The following ERC2 variants were observed in gnomAD, a reference collection of about 807,000 sequenced individuals.
ERC2 encodes ERC protein 2.
A neutral mutation model predicts 114.8 loss-of-function variants in ERC2; 42 were observed. The observed-to-expected ratio is 0.37, with a 90% CI of 0.29 to 0.47. The LOEUF is 0.47. Among genes scored for constraint, ERC2 ranks in the 20% least tolerant of loss-of-function variants. ERC2 has a pLI of 0.99. For synonymous variants in ERC2, 454 were observed against 425.5 expected (o/e 1.07, Z -0.82); for missense variants, 939 against 1,150.7 (o/e 0.82, Z 2.66).
intron 14 of ERC2, among the ~76,000 whole-genome samples, chr3:55,778,558 C>CA (rs373421552): frequency 7.4e-4 from 112 of 152,062 alleles, no homozygotes; most frequent in African/African-American, 2.5e-3. Context: ...TTCTGTGTGG[C>CA]AAAAAACAGC....
intron 13 of ERC2, among the ~76,000 whole-genome samples, chr3:55,936,214 C>A: frequency 6.6e-6 from 1 of 152,274 alleles, no homozygotes; most frequent in Non-Finnish European, 1.5e-5. Flanking sequence ...GTCCTTCTCT[C>A]CTGCATGCTG....
chr3:55,902,473 C>A (rs956341382), intron 13 of ERC2, among the ~76,000 whole-genome samples: 2 of 152,044 alleles, frequency 1.3e-5, no homozygotes, highest in African/African-American at 4.8e-5. Flanking sequence ...AGACGCCCAC[C>A]CAAACAGTCA....
At chr3:56,270,876 G>A (rs2053613816) in intron 3 of ERC2, among the ~76,000 whole-genome samples, 1 of 152,280 alleles carries the variant, frequency 6.6e-6, no homozygotes, top group South Asian at 2.1e-4. Context: ...CAGCTACTTG[G>A]GAGGCTGAGG....
At chr3:55,774,197 G>A (rs2068432971) in intron 14 of ERC2, among the ~76,000 whole-genome samples, 1 of 152,038 alleles carries the variant, frequency 6.6e-6, no homozygotes. Flanking sequence ...GAGACAATGG[G>A]CCATAACCAC....
At chr3:55,970,399 A>G (rs2069073160) in intron 12 of ERC2, among the ~76,000 whole-genome samples, 1 of 151,844 alleles carries the variant, frequency 6.6e-6, no homozygotes, top group Non-Finnish European at 1.5e-5. Context: ...TAGTAGTATT[A>G]GTAATAAAAA....
At chr3:56,231,723 C>T (rs910282685) in intron 3 of ERC2, among the ~76,000 whole-genome samples, 1 of 152,180 alleles carries the variant, frequency 6.6e-6, no homozygotes, top group African/African-American at 2.4e-5. Flanking sequence ...GCCTGAATTT[C>T]AGCAGCTAAG....
intron 17 of ERC2, among the ~76,000 whole-genome samples, chr3:55,675,867 T>A (rs1279392562): frequency 6.8e-6 from 1 of 147,352 alleles, no homozygotes; most frequent in Non-Finnish European, 1.5e-5. Context: ...CCTGCATCGT[T>A]TAAAAACCCT....
At chr3:55,713,413 C>T (rs1161634032) in intron 15 of ERC2, among the ~76,000 whole-genome samples, 1 of 151,978 alleles carries the variant, frequency 6.6e-6, no homozygotes, top group Non-Finnish European at 1.5e-5. Context: ...GGGGGAGTTT[C>T]ACCATGTTGG....
chr3:55,568,247 G>C (rs573700192), intron 17 of ERC2, among the ~76,000 whole-genome samples: 1 of 152,160 alleles, frequency 6.6e-6, no homozygotes, highest in South Asian at 2.1e-4. Context: ...ATGTGGGCAC[G>C]AGGAGCCCAC....
At chr3:56,257,650 T>C (rs1265637047) in intron 3 of ERC2, among the ~76,000 whole-genome samples, 1 of 152,268 alleles carries the variant, frequency 6.6e-6, no homozygotes, top group Non-Finnish European at 1.5e-5. Context: ...TGGCACATTT[T>C]GCTTTTCGGC....
chr3:56,303,029 C>G (rs967399391), intron 2 of ERC2, among the ~76,000 whole-genome samples: 3 of 152,192 alleles, frequency 2.0e-5, no homozygotes, highest in East Asian at 3.8e-4. Flanking sequence ...AATGAGGGCT[C>G]AGAAAGGTTT....
At chr3:55,607,395 G>A (rs1358697771) in intron 17 of ERC2, among the ~76,000 whole-genome samples, 1 of 152,136 alleles carries the variant, frequency 6.6e-6, no homozygotes, top group African/African-American at 2.4e-5. Context: ...CAGCACGTGC[G>A]AGATTCCTGA....
intron 14 of ERC2, among the ~76,000 whole-genome samples, chr3:55,849,339 A>G (rs1332066502): frequency 6.6e-6 from 1 of 152,184 alleles, no homozygotes; most frequent in Non-Finnish European, 1.5e-5. Context: ...GAAGTGTTCA[A>G]TGTATTCCCA....
intron 3 of ERC2, among the ~76,000 whole-genome samples, chr3:56,236,886 T>C (rs780207546): frequency 2.0e-5 from 3 of 152,044 alleles, no homozygotes; most frequent in Non-Finnish European, 4.4e-5. Flanking sequence ...GATGCAAAAA[T>C]AGACATACGT....
intron 17 of ERC2, among the ~76,000 whole-genome samples, chr3:55,534,936 C>T (rs915163280): frequency 2.6e-5 from 4 of 152,092 alleles, no homozygotes; most frequent in Admixed American, 6.5e-5. Flanking sequence ...GAAGACATAA[C>T]GGTGAAGAGG....
At position 56,278,501 on chromosome 3, in the gene ERC2, A is replaced by G. The variant is rs1016783702; in HGVS notation, c.1074+17518T>C. Among the ~76,000 whole-genome samples, 4 of 152,252 alleles carry G rather than the reference A, an allele frequency of 2.6e-5. No individual in the cohort carries two copies. The South Asian group carries it at 8.3e-4, about 32-fold the overall frequency. ...AACATAGGATCCTGGAATGGCAATA[A>G]AAGAACATTGGTAGAAAAACTGGTG... On this transcript the variant is annotated intron_variant, in intron 3 of 17. Transcript: ENST00000288221.
intron 1 of ERC2, among the ~76,000 whole-genome samples, chr3:56,463,030 C>A (rs2063386292): frequency 6.6e-6 from 1 of 152,104 alleles, no homozygotes; most frequent in Admixed American, 6.6e-5. Flanking sequence ...AGTTCAAGAC[C>A]AGCCTGGGCA....
intron 13 of ERC2, among the ~76,000 whole-genome samples, chr3:55,931,423 T>C (rs1169098460): frequency 6.6e-6 from 1 of 152,078 alleles, no homozygotes; most frequent in Non-Finnish European, 1.5e-5. Context: ...TATGCAGCCA[T>C]AAAAAAGAAT....
intron 2 of ERC2, among the ~76,000 whole-genome samples, chr3:56,365,189 C>T (rs2059104173): frequency 6.6e-6 from 1 of 152,210 alleles, no homozygotes; most frequent in Admixed American, 6.5e-5. Flanking sequence ...TCATGTGCTG[C>T]ATAATGACAT....
Sources: gnomAD v4.1 joint callset for allele counts (sites outside exome capture counted in the v4.1 genomes callset) on GRCh38, gnomAD v4.1.1 for gene constraint, MANE v1.5 for transcripts, NCBI Gene and HGNC (gene_info 2026-07-23, HGNC 2026-07-21) for gene names.